The following CLN8 variants were observed in gnomAD, a reference collection of about 807,000 sequenced individuals.
CLN8 encodes the protein protein CLN8.
A neutral mutation model predicts 15.7 loss-of-function variants in CLN8; 14 were observed. The observed-to-expected ratio is 0.89, with a 90% CI of 0.59 to 1.39. The LOEUF (loss-of-function observed/expected upper bound fraction) is 1.39, where lower values mean the gene tolerates loss of function less well. CLN8 is among the 40% of genes most tolerant of loss of function. The pLI is 0.00. For synonymous variants in CLN8, 188 were observed against 151.0 expected (o/e 1.25, Z -1.80); for missense variants, 415 against 364.0 (o/e 1.14, Z -1.14).
intron 2 of CLN8, among the ~76,000 whole-genome samples, chr8:1,778,980 G>A (rs916325550): frequency 3.3e-5 from 5 of 152,096 alleles, no homozygotes; most frequent in African/African-American, 9.7e-5. Flanking sequence ...ATCAGCCTAC[G>A]TTTGAGCAAA....
chr8:1,761,012 CTTTTTTTTTT>C (rs61327257), upstream of CLN8, among the ~76,000 whole-genome samples: 1 of 67,562 alleles, frequency 1.5e-5, no homozygotes, highest in African/African-American at 6.2e-5. Flanking sequence ...CTATAGCCAT[CTTTTTTTTTT>C]TTTTTTTTTT....
At chr8:1,766,456 C>T (rs1170204661) in intron 1 of CLN8, among the ~76,000 whole-genome samples, 1 of 143,724 alleles carries the variant, frequency 7.0e-6, no homozygotes, top group Non-Finnish European at 1.5e-5. Context: ...GTGGCGCTAT[C>T]TCAGCTCACT....
intron 2 of CLN8, among the ~76,000 whole-genome samples, chr8:1,775,201 C>T (rs577308369): frequency 6.6e-6 from 1 of 152,092 alleles, no homozygotes; most frequent in African/African-American, 2.4e-5. Flanking sequence ...ATAGCATTTA[C>T]ATTGTATTAG....
At chr8:1,755,817 C>T (rs1563096013) in exon 1 of CLN8, 1 of 152,240 alleles carries the variant, frequency 6.6e-6, no homozygotes, top group Admixed American at 6.5e-5. Flanking sequence ...CAGAATGAGT[C>T]AGCTCCGCTT....
In CLN8 at chr8:1,784,781, G is replaced by A. The variant is rs1394884137; in HGVS notation, c.*4214G>A. 1 of 152,570 alleles carries A rather than the reference G, an allele frequency of 6.6e-6. No individual in the cohort carries two copies. The highest frequency in any genetic ancestry group is 1.9e-4 in the East Asian group (1 of 5,190). The allele number at this position is 152,570 out of a possible 1,614,324, so 9.5% of individuals were successfully genotyped here. On this transcript the variant is annotated 3_prime_UTR_variant, in exon 3 of 3. Coordinates refer to ENST00000331222, the MANE Select transcript of CLN8 (RefSeq NM_018941.4). ...TGATATGGGGACACCTGCTGAGGGG[G>A]GAATTTACCACGGTAAGGGCAGGGC...
chr8:1,754,099 A>T (rs1182747648), upstream of CLN8, among the ~76,000 whole-genome samples: 1 of 152,104 alleles, frequency 6.6e-6, no homozygotes, highest in Non-Finnish European at 1.5e-5. Flanking sequence ...TCGCTGATAC[A>T]AAAATTGCAA....
rs74725490 is a variant in CLN8, at chr8:1,779,037, A to T, written c.544-1213A>T. 2.6e-4 allele frequency among the ~76,000 whole-genome samples: 40 copies of T among 152,306 alleles called. 1 individual carries two copies. In the East Asian group the frequency reaches 7.5e-3, roughly 29 times the overall value. On this transcript the variant is annotated intron_variant, in intron 2 of 2. Transcript: ENST00000331222. ...TTTACAACAGAATGCTGAACAGCTC[A>T]TGTAATTCAGTGAATGCTCTACTGA...
rs537547112 is a variant in CLN8, at chr8:1,784,979, C to G, written c.*4412C>G. ...GGGTGGGGTCGGCCAGGGTCAGCTG[C>G]CTTTCCTTCATGCTGGGGAGGAGAT... On this transcript the variant is annotated 3_prime_UTR_variant, in exon 3 of 3. Coordinates refer to ENST00000331222, the MANE Select transcript of CLN8 (RefSeq NM_018941.4). The G allele has an allele frequency of 3.2e-4, 49 of 151,922 alleles. 1 individual carries two copies. Among genetic ancestry groups the G allele is most frequent in the Admixed American group, 2.5e-3 (38 of 15,242 alleles). 9.4% of individuals were successfully genotyped at this position (151,922 alleles called of 1,614,324 possible).
Position 1,774,167 on chromosome 8 carries a change from G to T in CLN8, c.543+2570G>T, listed in dbSNP as rs936714723. ...CAGTTCTCCCTCCCCTGGTGTGGTGGTGGAGCCCAGCCTCCAGGAGGACAG... is the reference window on the plus strand; with the variant it reads ...CAGTTCTCCCTCCCCTGGTGTGGTGTTGGAGCCCAGCCTCCAGGAGGACAG... On this transcript the variant is annotated intron_variant, in intron 2 of 2. Coordinates refer to ENST00000331222, the MANE Select transcript of CLN8 (RefSeq NM_018941.4). Among the ~76,000 whole-genome samples, 6 of 152,176 alleles carry T rather than the reference G, an allele frequency of 3.9e-5. No individual in the cohort carries two copies. In the South Asian group the frequency reaches 1.2e-3, roughly 31 times the overall value.
At chr8:1,764,862 C>G (rs1158614284) in intron 1 of CLN8, among the ~76,000 whole-genome samples, 3 of 152,252 alleles carry the variant, frequency 2.0e-5, no homozygotes, top group African/African-American at 7.2e-5. Flanking sequence ...CTTCTGACTC[C>G]TGTTTCAGTT....
chr8:1,754,623 A>G (rs1436224224), upstream of CLN8, among the ~76,000 whole-genome samples: 1 of 152,200 alleles, frequency 6.6e-6, no homozygotes, highest in African/African-American at 2.4e-5. Context: ...TTCAGCATCT[A>G]AAGCTGCTGT....
At chr8:1,779,465 A>C (rs1023834796) in intron 2 of CLN8, among the ~76,000 whole-genome samples, 2 of 152,166 alleles carry the variant, frequency 1.3e-5, no homozygotes, top group African/African-American at 4.8e-5. Flanking sequence ...GGCTGGTCTC[A>C]AACTTCTGAC....
At chr8:1,776,826 G>A (rs1228263696) in intron 2 of CLN8, among the ~76,000 whole-genome samples, 2 of 152,166 alleles carry the variant, frequency 1.3e-5, no homozygotes, top group Non-Finnish European at 1.5e-5. Context: ...TGTTCATTTG[G>A]CCTCAGACTG....
At chr8:1,771,913 C>G (rs2130993758) in intron 2 of CLN8, among the ~76,000 whole-genome samples, 1 of 143,114 alleles carries the variant, frequency 7.0e-6, no homozygotes, top group Non-Finnish European at 1.5e-5. Flanking sequence ...TTAATTTTTT[C>G]CTTTCTTTTA....
intron 1 of CLN8, among the ~76,000 whole-genome samples, chr8:1,768,977 G>T (rs572962384): frequency 2.0e-5 from 3 of 152,210 alleles, no homozygotes; most frequent in Non-Finnish European, 4.4e-5. Flanking sequence ...GTCATCCATA[G>T]CATCTATCAG....
At chr8:1,757,421 C>G (rs1282775877) in intron 1 of CLN8, among the ~76,000 whole-genome samples, 1 of 152,166 alleles carries the variant, frequency 6.6e-6, no homozygotes, top group Non-Finnish European at 1.5e-5. Flanking sequence ...TCAACATGAT[C>G]TTGTCAAGGC....
chr8:1,769,694 C>G (rs1279881485), intron 1 of CLN8, among the ~76,000 whole-genome samples: 2 of 152,220 alleles, frequency 1.3e-5, no homozygotes. Flanking sequence ...TCCAGTTTTT[C>G]AAGAACTTGA....
Position 1,784,010 on chromosome 8 carries a change from G to GCACGGTGACTCACGCCTGTATCC in CLN8, c.*3463_*3464insTCCCACGGTGACTCACGCCTGTA, listed in dbSNP as rs1801771014. 1 of 152,406 alleles carries GCACGGTGACTCACGCCTGTATCC rather than the reference G, an allele frequency of 6.6e-6. No individual in the cohort carries two copies. The highest frequency in any genetic ancestry group is 1.5e-5 in the Non-Finnish European group (1 of 68,188). The allele number at this position is 152,406 out of a possible 1,614,324, so 9.4% of individuals were successfully genotyped here. Reference sequence around the variant, plus strand: ...TATAAAGAACAGACATTCAGGCCAGGCACGGTGACTCACGCCTGTAATCCC... The same window carrying GCACGGTGACTCACGCCTGTATCC: ...TATAAAGAACAGACATTCAGGCCAGGCACGGTGACTCACGCCTGTATCCCACGGTGACTCACGCCTGTAATCCC... On this transcript the variant is annotated 3_prime_UTR_variant, in exon 3 of 3. Coordinates refer to ENST00000331222, the MANE Select transcript of CLN8 (RefSeq NM_018941.4).
At position 1,771,152 on chromosome 8, in the gene CLN8, T is replaced by A. The variant is rs1301388199; in HGVS notation, c.98T>A (p.Val33Asp). The change falls in exon 2 of 3, where the codon GTC becomes GAC. Residue 33 changes from valine (V) to aspartate (D), a missense_variant. Transcript: ENST00000331222. ...TCCACGCTGATGGTCGCTGGCTTTG[T>A]CTTCTACTTGGGCGTCTTTGTGGTC... Reference protein sequence around the residue: ...IRSTLMVAGFVFYLGVFVVCH... With the variant: ...IRSTLMVAGFDFYLGVFVVCH... 1 of 1,614,056 alleles carries A rather than the reference T, an allele frequency of 6.2e-7. No homozygotes were observed. Among genetic ancestry groups the A allele is most frequent in the East Asian group, 2.2e-5 (1 of 44,842 alleles).
Sources: allele counts gnomAD v4.1 joint callset (sites outside exome capture counted in the v4.1 genomes callset), GRCh38; gene constraint gnomAD v4.1.1; transcripts MANE v1.5; gene names NCBI Gene and HGNC (gene_info 2026-07-23, HGNC 2026-07-21).